Variants in ADAMTS3 observed in about 807,000 individuals in gnomAD.
The protein encoded by ADAMTS3 is ADAM metallopeptidase with thrombospondin type 1 motif 3, also known as A disintegrin and metalloproteinase with thrombospondin motifs 3.
A neutral mutation model predicts 129.0 loss-of-function variants in ADAMTS3; 73 were observed. The ratio of observed to expected loss-of-function variants is 0.57; its 90% confidence interval spans 0.47 to 0.69. The LOEUF is 0.69. Ranked by LOEUF, ADAMTS3 falls within the 30% of genes least tolerant of loss-of-function variation. The probability of loss-of-function intolerance (pLI) is 0.00; values close to 1 mark genes in which losing one functional copy is unlikely to be tolerated. For synonymous variants in ADAMTS3, 477 were observed against 510.8 expected, an observed-to-expected ratio of 0.93 and a Z score of 0.89; for missense variants, 1,457 against 1,514.5, an observed-to-expected ratio of 0.96 and a Z score of 0.63.
At chr4:72,465,361 G>A (rs2109987957) in intron 3 of ADAMTS3, among the ~76,000 whole-genome samples, 1 of 152,102 alleles carries the variant, frequency 6.6e-6, no homozygotes, top group Non-Finnish European at 1.5e-5. Flanking sequence ...CAACCAGGGT[G>A]GAATAGTAAG....
chr4:72,515,508 A>G (rs1230841641), intron 3 of ADAMTS3, among the ~76,000 whole-genome samples: 1 of 148,676 alleles, frequency 6.7e-6, no homozygotes, highest in Admixed American at 6.7e-5. Flanking sequence ...TTGTTTCCTG[A>G]CTTTTTAATG....
chr4:72,457,000 C>T (rs896723817), intron 3 of ADAMTS3, among the ~76,000 whole-genome samples: 1 of 151,484 alleles, frequency 6.6e-6, no homozygotes, highest in Admixed American at 6.6e-5. Flanking sequence ...AGGAAGTCAC[C>T]CAAAATATAA....
chr4:72,505,832 ATC>A (rs909451967), intron 3 of ADAMTS3, among the ~76,000 whole-genome samples: 5 of 152,188 alleles, frequency 3.3e-5, no homozygotes, highest in Admixed American at 2.0e-4. Flanking sequence ...CTGCACCAGG[ATC>A]TCTCTGCATA....
chr4:72,383,594 G>A (rs535690842), intron 4 of ADAMTS3, among the ~76,000 whole-genome samples: 4 of 152,240 alleles, frequency 2.6e-5, no homozygotes, highest in African/African-American at 7.2e-5. Flanking sequence ...ATATGTGTTC[G>A]AGGCGGACTC....
At chr4:72,394,147 A>G (rs1331552413) in intron 4 of ADAMTS3, among the ~76,000 whole-genome samples, 1 of 152,238 alleles carries the variant, frequency 6.6e-6, no homozygotes, top group East Asian at 1.9e-4. Context: ...TGAAAGCCCC[A>G]AAAAACCCAC....
chr4:72,510,707 A>G (rs1315544033), intron 3 of ADAMTS3, among the ~76,000 whole-genome samples: 2 of 151,850 alleles, frequency 1.3e-5, no homozygotes, highest in Non-Finnish European at 2.9e-5. Flanking sequence ...TATAGGTTCA[A>G]TGTAACCCCT....
At chr4:72,383,542 T>C (rs1176286236) in intron 4 of ADAMTS3, among the ~76,000 whole-genome samples, 1 of 152,208 alleles carries the variant, frequency 6.6e-6, no homozygotes, top group Non-Finnish European at 1.5e-5. Flanking sequence ...TTCCATATTC[T>C]GCAAATGCAC....
intron 3 of ADAMTS3, among the ~76,000 whole-genome samples, chr4:72,505,335 T>C (rs2110028199): frequency 6.6e-6 from 1 of 152,338 alleles, no homozygotes; most frequent in East Asian, 1.9e-4. Context: ...GTCTTTTGTC[T>C]TTGACCCTAT....
intron 3 of ADAMTS3, among the ~76,000 whole-genome samples, chr4:72,518,202 C>T (rs1305758273): frequency 6.6e-6 from 1 of 151,970 alleles, no homozygotes; most frequent in African/African-American, 2.4e-5. Context: ...GTCTGAGAGA[C>T]AGTTTGTTAT....
At chr4:72,410,684 C>T (rs1057331649) in intron 4 of ADAMTS3, among the ~76,000 whole-genome samples, 1 of 152,102 alleles carries the variant, frequency 6.6e-6, no homozygotes, top group African/African-American at 2.4e-5. Context: ...TATTTTTTTA[C>T]ATGAGTTTAG....
At position 72,408,031 on chromosome 4, in the gene ADAMTS3, T is replaced by A. The variant is rs566417518; in HGVS notation, c.661+6784A>T. On this transcript the variant is annotated intron_variant, in intron 4 of 21. Coordinates refer to ENST00000286657, the MANE Select transcript of ADAMTS3 (RefSeq NM_014243.3). ...GACCAGACAGGTTACAGTTGAAAAT[T>A]AGAGTAAAATTTCTAGTATCTAGAA... Among the ~76,000 whole-genome samples the A allele has an allele frequency of 2.0e-5, 3 of 152,206 alleles. No individual in the cohort carries two copies. The South Asian group carries it at 6.2e-4, about 32-fold the overall frequency.
chr4:72,504,294 C>G (rs567666477), intron 3 of ADAMTS3, among the ~76,000 whole-genome samples: 1 of 151,998 alleles, frequency 6.6e-6, no homozygotes, highest in Non-Finnish European at 1.5e-5. Context: ...ACTTGCTTGT[C>G]TGAAAAAATA....
intron 5 of ADAMTS3, among the ~76,000 whole-genome samples, chr4:72,336,902 T>C (rs570660766): frequency 2.8e-4 from 40 of 144,080 alleles, no homozygotes; most frequent in Middle Eastern, 6.9e-3. Context: ...GACATTGCCA[T>C]ATGTCCCTGG....
In ADAMTS3 at chr4:72,312,317, T is replaced by C. The variant is rs1191399144; in HGVS notation, c.1895A>G (p.His632Arg). 5.6e-6 allele frequency: 9 copies of C among 1,613,564 alleles called. No homozygotes were observed. Among genetic ancestry groups the C allele is most frequent in the African/African-American group, 1.3e-5 (1 of 74,908 alleles). The change falls in exon 13 of 22, where the codon CAC becomes CGC. Residue 632 changes from histidine (H) to arginine (R), a missense_variant. Coordinates refer to ENST00000286657, the MANE Select transcript of ADAMTS3 (RefSeq NM_014243.3). ...SHFEYQNTKH[H>R]WLPYEHPDPK... ...GTCAGGATGTTCATATGGCAACCAG[T>C]GGTGTTTGGTATTCTGGTATTCAAA...
chr4:72,465,664 A>C (rs951340031), intron 3 of ADAMTS3, among the ~76,000 whole-genome samples: 4 of 152,020 alleles, frequency 2.6e-5, no homozygotes, highest in African/African-American at 4.8e-5. Flanking sequence ...TTTAGGGGCA[A>C]TAAATACAAA....
chr4:72,340,316 A>AGTGTGTGTGT (rs35463239), intron 4 of ADAMTS3, among the ~76,000 whole-genome samples: 5 of 147,424 alleles, frequency 3.4e-5, no homozygotes, highest in African/African-American at 9.9e-5. Flanking sequence ...TATATACATA[A>AGTGTGTGTGT]GTGTGTGTGT....
intron 16 of ADAMTS3, 47 bp downstream of exon 16, chr4:72,305,940 A>G (rs375122115): frequency 2.7e-6 from 4 of 1,473,924 alleles, no homozygotes; most frequent in Admixed American, 1.8e-5. Context: ...TGACATTTCA[A>G]TGTTTCAGTG....
chr4:72,341,045 A>G (rs1456854511), intron 4 of ADAMTS3, among the ~76,000 whole-genome samples: 4 of 152,176 alleles, frequency 2.6e-5, no homozygotes, highest in African/African-American at 9.6e-5. Context: ...AGCATCTGAC[A>G]TTAATAAATA....
chr4:72,497,636 T>C (rs943355536), intron 3 of ADAMTS3, among the ~76,000 whole-genome samples: 5 of 151,824 alleles, frequency 3.3e-5, no homozygotes, highest in African/African-American at 9.6e-5. Context: ...AAATATATCA[T>C]AAGATTTACA....
Sources: allele counts gnomAD v4.1 joint callset (sites outside exome capture counted in the v4.1 genomes callset), GRCh38; gene constraint gnomAD v4.1.1; transcripts MANE v1.5; gene names NCBI Gene and HGNC (gene_info 2026-07-23, HGNC 2026-07-21).